PIP5K1C: variants seen among roughly 807,000 people sequenced by gnomAD.
The protein encoded by PIP5K1C is phosphatidylinositol 4-phosphate 5-kinase type-1 gamma.
A neutral mutation model predicts 80.1 loss-of-function variants in PIP5K1C; 45 were observed. The ratio of observed to expected loss-of-function variants is 0.56; its 90% CI spans 0.44 to 0.72. PIP5K1C has a LOEUF of 0.72. Among genes scored for constraint, PIP5K1C ranks in the 30% least tolerant of loss-of-function variants. The pLI, the probability that PIP5K1C is intolerant of heterozygous loss-of-function variation, is 0.00. For missense variants in PIP5K1C, 753 were observed against 954.6 expected (o/e 0.79, Z 2.78); for synonymous variants, 498 against 420.1 (o/e 1.19, Z -2.27).
intron 13 of PIP5K1C, 21 bp downstream of exon 13, chr19:3,643,222 C>A (rs370703895): frequency 2.5e-6 from 4 of 1,611,526 alleles, no homozygotes; most frequent in Non-Finnish European, 3.4e-6. Context: ...CGCCCACATG[C>A]ACTGCGGATG....
At chr19:3,684,702 C>T (rs1397843312) in intron 1 of PIP5K1C, among the ~76,000 whole-genome samples, 1 of 152,246 alleles carries the variant, frequency 6.6e-6, no homozygotes, top group Admixed American at 6.5e-5. Context: ...GCATAATCCA[C>T]GAATCCCACC....
chr19:3,694,160 C>A (rs1284929330), intron 1 of PIP5K1C, among the ~76,000 whole-genome samples: 1 of 148,608 alleles, frequency 6.7e-6, no homozygotes, highest in Non-Finnish European at 1.5e-5. Flanking sequence ...TGCAGTGAGC[C>A]GAGAACGCGC....
At chr19:3,660,387 A>G (rs2034793941) in intron 5 of PIP5K1C, among the ~76,000 whole-genome samples, 1 of 151,828 alleles carries the variant, frequency 6.6e-6, no homozygotes, top group Non-Finnish European at 1.5e-5. Flanking sequence ...CTCGAAAAAA[A>G]AAAAAGGGGG....
intron 1 of PIP5K1C, among the ~76,000 whole-genome samples, chr19:3,669,333 T>A (rs1373787300): frequency 1.3e-5 from 2 of 152,158 alleles, no homozygotes; most frequent in Admixed American, 6.5e-5. Flanking sequence ...GGTCTGGCCC[T>A]GGCTTCCAGG....
Position 3,692,500 on chromosome 19 carries a change from C to T in PIP5K1C, c.94+7797G>A, listed in dbSNP as rs2035978931. ...TTTCAAACTCAATCCCCCCTCAGCC[C>T]CACACTCAACCTTCAAAAGGTCCTG... is the stretch of plus-strand genomic sequence containing the variant. On this transcript the variant is annotated intron_variant, in intron 1 of 17. Transcript: ENST00000335312. The surrounding 1 kb of genome is among the most constrained non-coding windows in gnomAD (Gnocchi z 5.2). Among the ~76,000 whole-genome samples, 1 of 152,200 alleles carries T rather than the reference C, an allele frequency of 6.6e-6. No individual in the cohort carries two copies. Among genetic ancestry groups the T allele is most frequent in the African/African-American group, 2.4e-5 (1 of 41,434 alleles).
At chr19:3,700,056 C>T (rs2036248094) in intron 1 of PIP5K1C, among the ~76,000 whole-genome samples, 1 of 152,160 alleles carries the variant, frequency 6.6e-6, no homozygotes, top group Admixed American at 6.5e-5. Context: ...CAGCGGCGCC[C>T]ACGCCGAGTC....
Position 3,633,212 on chromosome 19 carries a change from C to G in PIP5K1C, c.2005-43G>C, listed in dbSNP as rs756938847. ...CAGGTGAAGGTGGGCGGGGCGAGGG[C>G]CCACCCCAGGCCCCCTGCCAGGGAC... On this transcript the variant is annotated intron_variant, in intron 17 of 17. Coordinates refer to ENST00000335312, the MANE Select transcript of PIP5K1C (RefSeq NM_012398.3). 8.0e-6 allele frequency: 6 copies of G among 749,772 alleles called. No individual in the cohort carries two copies. The Admixed American group carries it at 1.1e-4, about 14-fold the overall frequency. 46.4% of individuals were successfully genotyped at this position (749,772 alleles called of 1,614,324 possible). A position where few individuals can be genotyped will look rare whatever the true frequency, so the allele number is the denominator to read the frequency against.
In PIP5K1C at chr19:3,692,032, C is replaced by CAG. The variant is rs2035965836; in HGVS notation, c.94+8264_94+8265insCT. ...GCATGCACCGTGGCCAGTCCAAGCA[C>CAG]CGCACGGGAAGGGTGCACAGTGGGA... On this transcript the variant is annotated intron_variant, in intron 1 of 17. Transcript: ENST00000335312. This position sits in a 1 kb window ranked among gnomAD's most constrained non-coding sequence, Gnocchi z 5.2. Among the ~76,000 whole-genome samples the CAG allele has an allele frequency of 2.0e-5, 3 of 152,346 alleles. No homozygotes were observed. In the South Asian group the frequency reaches 6.2e-4, roughly 32 times the overall value.
intron 1 of PIP5K1C, among the ~76,000 whole-genome samples, chr19:3,678,358 AG>A (rs1321798338): frequency 8.1e-6 from 1 of 123,820 alleles, no homozygotes; most frequent in Non-Finnish European, 1.7e-5. Flanking sequence ...GGAGGGATGG[AG>A]GAATGGAGGA....
At chr19:3,694,707 C>T (rs2036047661) in intron 1 of PIP5K1C, among the ~76,000 whole-genome samples, 1 of 152,252 alleles carries the variant, frequency 6.6e-6, no homozygotes, top group Non-Finnish European at 1.5e-5. Flanking sequence ...CAAGTTCCCA[C>T]CCCACGGCCT....
chr19:3,662,303 A>T (rs541795773), intron 3 of PIP5K1C, among the ~76,000 whole-genome samples: 7 of 152,308 alleles, frequency 4.6e-5, no homozygotes, highest in African/African-American at 1.4e-4. Context: ...AGGTTCTCCC[A>T]TTTTGAAACA....
At chr19:3,638,029 AGT>A in intron 16 of PIP5K1C, 1 of 1,486,966 alleles carries the variant, frequency 6.7e-7, no homozygotes, top group African/African-American at 1.4e-5. Flanking sequence ...CAGGGGAGTT[AGT>A]TATGAAGCAG....
intron 16 of PIP5K1C, among the ~76,000 whole-genome samples, chr19:3,638,227 G>C (rs2033789745): frequency 6.6e-6 from 1 of 152,180 alleles, no homozygotes; most frequent in African/African-American, 2.4e-5. Flanking sequence ...GGACATTCCA[G>C]GCCTCGCTGG....
intron 1 of PIP5K1C, among the ~76,000 whole-genome samples, chr19:3,677,945 AG>A: frequency 9.6e-6 from 1 of 104,274 alleles, no homozygotes; most frequent in Non-Finnish European, 1.9e-5. Context: ...GGAGGGATGG[AG>A]GGAGGGATGG....
intron 10 of PIP5K1C, among the ~76,000 whole-genome samples, chr19:3,646,873 G>C (rs1416096187): frequency 6.6e-6 from 1 of 152,134 alleles, no homozygotes; most frequent in African/African-American, 2.4e-5. Context: ...TGACGGATGG[G>C]AGGAAGGCTG....
Position 3,637,711 on chromosome 19 carries a change from G to C in PIP5K1C, c.1920+1173C>G. On this transcript the variant is annotated intron_variant, in intron 16 of 17. Coordinates refer to ENST00000335312, the MANE Select transcript of PIP5K1C (RefSeq NM_012398.3). The surrounding 1 kb of genome is among the most constrained non-coding windows in gnomAD (Gnocchi z 7.0). ...TGGTCGGGTGGGAGAGGCGGAGGGAGGTGGCGGGGAGCAGGTGGGGACAGC... is the reference window on the plus strand; with the variant it reads ...TGGTCGGGTGGGAGAGGCGGAGGGACGTGGCGGGGAGCAGGTGGGGACAGC... 6.6e-7 allele frequency: 1 copy of C among 1,512,368 alleles called. No individual in the cohort carries two copies. Among genetic ancestry groups the C allele is most frequent in the Non-Finnish European group, 8.8e-7 (1 of 1,134,856 alleles). 93.7% of individuals were successfully genotyped at this position (1,512,368 alleles called of 1,614,324 possible). A position where few individuals can be genotyped will look rare whatever the true frequency, so the allele number is the denominator to read the frequency against.
chr19:3,667,222 G>GTAA (rs2035041606), intron 2 of PIP5K1C, 100 bp downstream of exon 2: 1 of 991,556 alleles, frequency 1.0e-6, no homozygotes, highest in African/African-American at 1.6e-5. Flanking sequence ...GGCCCAGAGA[G>GTAA]GTGTAGTGAG....
Position 3,644,482 on chromosome 19 carries a change from C to A in PIP5K1C, c.1346-231G>T, listed in dbSNP as rs915894336. 9.2e-5 allele frequency among the ~76,000 whole-genome samples: 14 copies of A among 152,350 alleles called. 1 individual carries two copies. In the Middle Eastern group the frequency reaches 0.024, roughly 259 times the overall value. The stretch of plus-strand genomic sequence containing the variant: ...CACCCGACTGTCTCTATGAGACACA[C>A]TGGGACCTGGCACAGTGCCTGCCCC... On this transcript the variant is annotated intron_variant, in intron 11 of 17. Transcript: ENST00000335312.
At position 3,664,953 on chromosome 19, in the gene PIP5K1C, G is replaced by A. The variant is rs776051414; in HGVS notation, c.127-39C>T. On this transcript the variant is annotated intron_variant, in intron 2 of 17. Coordinates refer to ENST00000335312, the MANE Select transcript of PIP5K1C (RefSeq NM_012398.3). ...GCAGGAAGCGTTAACTCCCTAAGGA[G>A]CACGCCCACCGGGACAGGGCACGCT... 1.1e-5 allele frequency: 16 copies of A among 1,498,422 alleles called. No homozygotes were observed. The South Asian group carries it at 1.5e-4, about 14-fold the overall frequency. The allele number at this position is 1,498,422 out of a possible 1,614,324, so 92.8% of individuals were successfully genotyped here.
Sources: allele counts gnomAD v4.1 joint callset (sites outside exome capture counted in the v4.1 genomes callset), GRCh38; gene constraint gnomAD v4.1.1; non-coding constraint Gnocchi (gnomAD v3.1); transcripts MANE v1.5; gene names NCBI Gene and HGNC (gene_info 2026-07-23, HGNC 2026-07-21).